Variants in KCNIP4 observed in about 807,000 individuals in gnomAD.
KCNIP4 encodes Kv channel-interacting protein 4.
Under a neutral mutation model 34.0 loss-of-function variants are expected in KCNIP4, and 12 were observed. That is an observed-to-expected ratio of 0.35 (90% CI 0.23 to 0.57). The LOEUF (loss-of-function observed/expected upper bound fraction) is 0.57, where lower values mean the gene tolerates loss of function less well. Ranked by LOEUF, KCNIP4 falls within the 20% of genes least tolerant of loss-of-function variation. The pLI, the probability that KCNIP4 is intolerant of heterozygous loss-of-function variation, is 0.83. For missense variants in KCNIP4, 238 were observed against 311.7 expected (o/e 0.76, Z 1.78); for synonymous variants, 124 against 102.2 (o/e 1.21, Z -1.29).
At chr4:21,921,638 G>C (rs1451715040) in intron 1 of KCNIP4, among the ~76,000 whole-genome samples, 1 of 152,050 alleles carries the variant, frequency 6.6e-6, no homozygotes, top group Non-Finnish European at 1.5e-5. Context: ...CAAATGCCTG[G>C]AAGTCATCCT....
chr4:21,753,010 T>C (rs1263336141), intron 1 of KCNIP4, among the ~76,000 whole-genome samples: 4 of 152,194 alleles, frequency 2.6e-5, no homozygotes, highest in South Asian at 2.1e-4. Flanking sequence ...TATCTTTTTT[T>C]CCAAGCATTG....
intron 1 of KCNIP4, among the ~76,000 whole-genome samples, chr4:21,475,452 A>G (rs1490058677): frequency 1.3e-5 from 2 of 152,188 alleles, no homozygotes; most frequent in Non-Finnish European, 2.9e-5. Flanking sequence ...CCTGGCAACA[A>G]CTTTCAACCC....
At chr4:21,767,179 A>G (rs73800721) in intron 1 of KCNIP4, among the ~76,000 whole-genome samples, 22,491 of 152,034 alleles carry the variant, frequency 0.15, 5,577 homozygotes, top group African/African-American at 0.51. Flanking sequence ...GAAGGCCATT[A>G]TAACTGGAGC....
At chr4:21,703,290 G>A (rs1713010906) in intron 1 of KCNIP4, among the ~76,000 whole-genome samples, 1 of 152,024 alleles carries the variant, frequency 6.6e-6, no homozygotes, top group Non-Finnish European at 1.5e-5. Flanking sequence ...CATACAGAGT[G>A]TAAAGAAATA....
intron 1 of KCNIP4, among the ~76,000 whole-genome samples, chr4:21,330,293 C>T (rs1715501805): frequency 6.6e-6 from 1 of 152,088 alleles, no homozygotes; most frequent in African/African-American, 2.4e-5. Context: ...ATAAATTGAT[C>T]AGCATGTATA....
rs140523892 is a variant in KCNIP4, at chr4:20,734,699, T to G, written c.466A>C (p.Thr156Pro). The G allele has an allele frequency of 1.1e-5, 18 of 1,597,016 alleles. No individual in the cohort carries two copies. The highest frequency in any genetic ancestry group is 1.5e-5 in the Non-Finnish European group (18 of 1,172,148). The change falls in exon 6 of 9, where the codon ACA becomes CCA. Residue 156 changes from threonine (T) to proline (P), a missense_variant. Physicochemically the swap from Thr to Pro is conservative, Grantham distance 38. Coordinates refer to ENST00000382152, the MANE Select transcript of KCNIP4 (RefSeq NM_025221.6). Reference sequence around the variant, plus strand: ...GCCCAATTGAGTTTTTCTTGTACTGTCCCCCGGAGCAAAATGGAAAGACCT... The same window carrying G: ...GCCCAATTGAGTTTTTCTTGTACTGGCCCCCGGAGCAAAATGGAAAGACCT... The part of the protein sequence containing the change: ...IKGLSILLRG[T>P]VQEKLNWAFN...
chr4:21,711,332 T>C (rs9997043), intron 1 of KCNIP4, among the ~76,000 whole-genome samples: 15,298 of 152,050 alleles, frequency 0.1, 2,122 homozygotes, highest in African/African-American at 0.31. Flanking sequence ...ATTAGTTGGG[T>C]GTGGTGACAT....
intron 1 of KCNIP4, among the ~76,000 whole-genome samples, chr4:21,454,928 G>A (rs1005935908): frequency 6.6e-6 from 1 of 152,012 alleles, no homozygotes; most frequent in Non-Finnish European, 1.5e-5. Flanking sequence ...CAGTGACCAG[G>A]TTAGCTCATA....
intron 1 of KCNIP4, among the ~76,000 whole-genome samples, chr4:21,281,567 A>G (rs568796031): frequency 1.3e-5 from 2 of 152,226 alleles, no homozygotes; most frequent in Non-Finnish European, 2.9e-5. Flanking sequence ...GGAATCCAAT[A>G]AATTGCAAAG....
At chr4:21,767,126 T>A (rs1477335625) in intron 1 of KCNIP4, among the ~76,000 whole-genome samples, 1 of 152,120 alleles carries the variant, frequency 6.6e-6, no homozygotes, top group Non-Finnish European at 1.5e-5. Flanking sequence ...GAAGACTTAA[T>A]GCATTAAAGC....
At chr4:21,601,813 C>T (rs1364966708) in intron 1 of KCNIP4, among the ~76,000 whole-genome samples, 1 of 152,140 alleles carries the variant, frequency 6.6e-6, no homozygotes, top group Non-Finnish European at 1.5e-5. Flanking sequence ...TGTAGCTTTT[C>T]CTCCATGCTT....
At chr4:21,645,629 A>C (rs545966284) in intron 1 of KCNIP4, among the ~76,000 whole-genome samples, 1 of 152,304 alleles carries the variant, frequency 6.6e-6, no homozygotes, top group Non-Finnish European at 1.5e-5. Flanking sequence ...TGTGTGGGAC[A>C]GTTCCCAGTC....
At chr4:21,928,928 G>A (rs779305781) in intron 1 of KCNIP4, among the ~76,000 whole-genome samples, 1 of 151,836 alleles carries the variant, frequency 6.6e-6, no homozygotes, top group Non-Finnish European at 1.5e-5. Flanking sequence ...CAAACTGAGG[G>A]TATAAACACA....
intron 1 of KCNIP4, among the ~76,000 whole-genome samples, chr4:21,382,663 T>C (rs1265875920): frequency 6.6e-6 from 1 of 152,338 alleles, no homozygotes; most frequent in East Asian, 1.9e-4. Context: ...CCTTTAAATC[T>C]GGTTAATAAA....
At chr4:21,655,002 T>A (rs1245144214) in intron 1 of KCNIP4, among the ~76,000 whole-genome samples, 2 of 152,112 alleles carry the variant, frequency 1.3e-5, no homozygotes, top group African/African-American at 4.8e-5. Context: ...TCATTCTTTT[T>A]TTCTTTCCTA....
chr4:21,177,129 T>C (rs1754470685), intron 1 of KCNIP4, among the ~76,000 whole-genome samples: 1 of 152,198 alleles, frequency 6.6e-6, no homozygotes, highest in South Asian at 2.1e-4. Context: ...TCAAGAGTTA[T>C]TGAATGCCTA....
intron 1 of KCNIP4, among the ~76,000 whole-genome samples, chr4:21,054,058 A>G (rs899204583): frequency 1.3e-5 from 2 of 152,218 alleles, no homozygotes; most frequent in African/African-American, 2.4e-5. Flanking sequence ...GTAGATACTG[A>G]CAAAATGATT....
At chr4:20,907,442 C>A (rs776875592) in intron 1 of KCNIP4, among the ~76,000 whole-genome samples, 1 of 152,128 alleles carries the variant, frequency 6.6e-6, no homozygotes, top group Non-Finnish European at 1.5e-5. Flanking sequence ...ATCTACCTAT[C>A]TCATGGGATT....
intron 1 of KCNIP4, among the ~76,000 whole-genome samples, chr4:21,324,972 C>A (rs1280751049): frequency 6.6e-6 from 1 of 151,888 alleles, no homozygotes; most frequent in African/African-American, 2.4e-5. Context: ...AGATCTTTCA[C>A]TTCCTTGGTT....
Sources: gnomAD v4.1 joint callset for allele counts (sites outside exome capture counted in the v4.1 genomes callset) on GRCh38, gnomAD v4.1.1 for gene constraint, MANE v1.5 for transcripts, NCBI Gene and HGNC (gene_info 2026-07-23, HGNC 2026-07-21) for gene names.